MAS1: variants seen among roughly 807,000 people sequenced by gnomAD.
MAS1 encodes the protein MAS1 proto-oncogene, G protein-coupled receptor.
For missense variants in MAS1, 387 were observed against 409.7 expected (o/e 0.94, Z 0.48); for synonymous variants, 163 against 164.2 (o/e 0.99, Z 0.05).
At position 159,911,653 on chromosome 6, in the gene MAS1, C is replaced by T. The variant is rs1415500908; in HGVS notation, c.*3720C>T. 2 of 152,136 alleles carry T rather than the reference C, an allele frequency of 1.3e-5. No homozygotes were observed. The highest frequency in any genetic ancestry group is 2.4e-5 in the African/African-American group (1 of 41,418). The allele number at this position is 152,136 out of a possible 1,614,324, so 9.4% of individuals were successfully genotyped here. On this transcript the variant is annotated 3_prime_UTR_variant, in exon 3 of 3. Transcript: ENST00000674077. ...CTCAAGCATTAGAGACTCAGGAGAG[C>T]CTCTGGAAGCTGAGTTCCTGGATAA...
Position 159,908,970 on chromosome 6 carries a change from C to T in MAS1, c.*1037C>T, listed in dbSNP as rs1306452243. 6.6e-6 allele frequency: 1 copy of T among 150,834 alleles called. No homozygotes were observed. Among genetic ancestry groups the T allele is most frequent in the Non-Finnish European group, 1.5e-5 (1 of 67,868 alleles). 9.3% of individuals were successfully genotyped at this position (150,834 alleles called of 1,614,324 possible). A position where few individuals can be genotyped will look rare whatever the true frequency, so the allele number is the denominator to read the frequency against. On this transcript the variant is annotated 3_prime_UTR_variant, in exon 3 of 3. Transcript: ENST00000674077. ...TCTGCACCTGTCTGCCTCCTCTCCT[C>T]CTGAGGCTTTTTTTTTTTTTTTCAT...
Position 159,910,159 on chromosome 6 carries a change from G to T in MAS1, c.*2226G>T, listed in dbSNP as rs1289736525. The T allele has an allele frequency of 2.0e-5, 3 of 152,244 alleles. No individual in the cohort carries two copies. Among genetic ancestry groups the T allele is most frequent in the Non-Finnish European group, 4.4e-5 (3 of 68,038 alleles). 9.4% of individuals were successfully genotyped at this position (152,244 alleles called of 1,614,324 possible). ...CCACTTCCGAGAATTCCTTGGGGAT[G>T]GGGAGGAGATTGTTTGGATAATGCC... On this transcript the variant is annotated 3_prime_UTR_variant, in exon 3 of 3. Coordinates refer to ENST00000674077, the MANE Select transcript of MAS1 (RefSeq NM_002377.4).
At chr6:159,896,591 T>C (rs1017419922) in intron 1 of MAS1, among the ~76,000 whole-genome samples, 1 of 152,174 alleles carries the variant, frequency 6.6e-6, no homozygotes, top group African/African-American at 2.4e-5. Flanking sequence ...AATGAGCACA[T>C]ACTGCTTTAA....
chr6:159,891,096 G>A lies in MAS1; in HGVS notation c.-281G>A, dbSNP rs534250189. On this transcript the variant is annotated 5_prime_UTR_variant, in exon 1 of 3. Coordinates refer to ENST00000674077, the MANE Select transcript of MAS1 (RefSeq NM_002377.4). ...CCAGATGTGAAGGGGCAGCCAACCT[G>A]TTGGCCACGTCTGACCCTTCCTGAG... Among the ~76,000 whole-genome samples the A allele has an allele frequency of 1.3e-5, 2 of 152,348 alleles. No individual in the cohort carries two copies. The highest frequency in any genetic ancestry group is 4.1e-4 in the South Asian group (2 of 4,834).
intron 1 of MAS1, among the ~76,000 whole-genome samples, chr6:159,897,780 C>T (rs1782770263): frequency 1.3e-5 from 2 of 152,098 alleles, no homozygotes; most frequent in Non-Finnish European, 2.9e-5. Context: ...GATGGCAGAG[C>T]TCTTTGAACA....
At position 159,917,159 on chromosome 6, in the gene MAS1, C is replaced by A. The variant is rs1029906585; in HGVS notation, c.*9226C>A. ...AATCCTGACCTCGGTGGTGGCAAATCTTCCTTGTTTCCTGGTGGATTTAAC... is the reference window on the plus strand; with the variant it reads ...AATCCTGACCTCGGTGGTGGCAAATATTCCTTGTTTCCTGGTGGATTTAAC... On this transcript the variant is annotated 3_prime_UTR_variant, in exon 3 of 3. Coordinates refer to ENST00000674077, the MANE Select transcript of MAS1 (RefSeq NM_002377.4). Among the ~76,000 whole-genome samples the A allele has an allele frequency of 3.8e-4, 58 of 152,082 alleles. 1 individual carries two copies. Among genetic ancestry groups the A allele is most frequent in the African/African-American group, 9.7e-5 (4 of 41,392 alleles).
intron 2 of MAS1, among the ~76,000 whole-genome samples, chr6:159,903,372 A>G (rs1340019507): frequency 6.6e-6 from 1 of 152,122 alleles, no homozygotes; most frequent in Non-Finnish European, 1.5e-5. Context: ...GCACCTGGAC[A>G]GCTGAACTAA....
At chr6:159,894,160 C>T (rs1782729144) in intron 1 of MAS1, among the ~76,000 whole-genome samples, 2 of 152,102 alleles carry the variant, frequency 1.3e-5, no homozygotes, top group Non-Finnish European at 2.9e-5. Context: ...TGGGATTGAA[C>T]AAGACCACCC....
chr6:159,901,313 T>C (rs1038127456), intron 2 of MAS1, among the ~76,000 whole-genome samples: 2 of 152,198 alleles, frequency 1.3e-5, no homozygotes, highest in African/African-American at 2.4e-5. Flanking sequence ...GTCAATAAGA[T>C]AGAATTTTAA....
In MAS1 at chr6:159,917,057, C is replaced by T. The variant is rs1289575346; in HGVS notation, c.*9124C>T. Among the ~76,000 whole-genome samples the T allele has an allele frequency of 6.6e-6, 1 of 152,176 alleles. No homozygotes were observed. The highest frequency in any genetic ancestry group is 2.4e-5 in the African/African-American group (1 of 41,444). On this transcript the variant is annotated 3_prime_UTR_variant, in exon 3 of 3. Transcript: ENST00000674077. Reference sequence around the variant, plus strand: ...AGATTTGGTAGTGGCCGGACTTTGCCACCTCCAGCCTGGAGTGTTTTGGGA... The same window carrying T: ...AGATTTGGTAGTGGCCGGACTTTGCTACCTCCAGCCTGGAGTGTTTTGGGA...
rs1160387653 is a variant in MAS1 at position 159,907,687 on chromosome 6, G to A, written c.732G>A (p.Met244Ile). The change falls in exon 3 of 3, where the codon ATG becomes ATA. Residue 244 changes from methionine to isoleucine, a missense_variant. Met to Ile is a conservative substitution (Grantham distance 10). Transcript: ENST00000674077. The stretch of plus-strand genomic sequence containing the variant: ...TATTCCTCATCTTCGCTATGCCCAT[G>A]AGACTCCTTTACCTGCTGTACTATG... ...IIIFLIFAMP[M>I]RLLYLLYYEY... The A allele has an allele frequency of 6.2e-7, 1 of 1,613,752 alleles. No individual in the cohort carries two copies. Among genetic ancestry groups the A allele is most frequent in the Admixed American group, 1.7e-5 (1 of 59,934 alleles).
At chr6:159,898,739 C>T (rs1280712242) in intron 1 of MAS1, among the ~76,000 whole-genome samples, 1 of 146,202 alleles carries the variant, frequency 6.8e-6, no homozygotes, top group African/African-American at 2.5e-5. Flanking sequence ...TCTTCCTCCT[C>T]CTCCTCGTTC....
intron 2 of MAS1, among the ~76,000 whole-genome samples, chr6:159,903,828 C>A (rs1413972514): frequency 4.6e-5 from 7 of 152,146 alleles, no homozygotes. Flanking sequence ...CTTCTCAACC[C>A]CACAGCCCCC....
intron 1 of MAS1, among the ~76,000 whole-genome samples, chr6:159,897,241 G>A (rs1472647762): frequency 6.6e-6 from 1 of 152,074 alleles, no homozygotes; most frequent in Non-Finnish European, 1.5e-5. Flanking sequence ...GTGCTGATTG[G>A]TCAGGTTGGA....
In MAS1 at chr6:159,907,031, G is replaced by A. The variant is rs773157877; in HGVS notation, c.76G>A (p.Gly26Arg). The A allele has an allele frequency of 1.2e-5, 19 of 1,613,784 alleles. No individual in the cohort carries two copies. The East Asian group carries it at 1.3e-4, about 11-fold the overall frequency. Residue 26 changes from glycine (G) to arginine (R), a missense_variant, in exon 3 of 3, where the codon GGG (glycine) becomes AGG (arginine). Gly to Arg is a moderately radical substitution (Grantham distance 125, BLOSUM62 -2). Transcript: ENST00000674077. ...NISTGRNASV[G>R]NAHRQIPIVH... ...CTCAACTGGCAGGAACGCCTCAGTC[G>A]GGAATGCACATCGGCAAATCCCCAT...
intron 2 of MAS1, among the ~76,000 whole-genome samples, chr6:159,904,540 A>C (rs1211702309): frequency 6.6e-6 from 1 of 152,096 alleles, no homozygotes; most frequent in Admixed American, 6.5e-5. Context: ...CCTCTGCCAC[A>C]ACCTGATTTA....
Position 159,907,855 on chromosome 6 carries a change from C to T in MAS1, c.900C>T (p.Thr300=), listed in dbSNP as rs778220861. 62 of 1,611,360 alleles carry T rather than the reference C, an allele frequency of 3.8e-5. No homozygotes were observed. The East Asian group carries it at 1.1e-3, about 28-fold the overall frequency. Residue 300 remains threonine (T), a synonymous_variant, in exon 3 of 3, where the codon ACC becomes ACT. Transcript: ENST00000674077. The part of the protein sequence containing the change: ...RFKESLKVVL[T]RAFKDEMQPR... ...AGGAGTCCTTAAAAGTTGTTCTGAC[C>T]AGGGCTTTCAAAGATGAAATGCAAC...
At chr6:159,906,787 A>T (rs149190217) in intron 2 of MAS1, 133 bp from the exon 3 acceptor site, 4 of 664,876 alleles carry the variant, frequency 6.0e-6, no homozygotes, top group Non-Finnish European at 1.0e-5. Context: ...TGTGACAAAG[A>T]TAACTGTAGA....
chr6:159,907,677 C>T lies in MAS1; in HGVS notation c.722C>T (p.Ala241Val), dbSNP rs1782911437. The T allele has an allele frequency of 6.2e-7, 1 of 1,613,818 alleles. No homozygotes were observed. The highest frequency in any genetic ancestry group is 1.3e-5 in the African/African-American group (1 of 74,930). Reference sequence around the variant, plus strand: ...ACCATCATTATATTCCTCATCTTCGCTATGCCCATGAGACTCCTTTACCTG... The same window carrying T: ...ACCATCATTATATTCCTCATCTTCGTTATGCCCATGAGACTCCTTTACCTG... Reference protein sequence around the residue: ...MVTIIIFLIFAMPMRLLYLLY... With the variant: ...MVTIIIFLIFVMPMRLLYLLY... Residue 241 changes from alanine (A) to valine (V), a missense_variant, in exon 3 of 3, where the codon GCT (alanine) becomes GTT (valine). Physicochemically the swap from Ala to Val is moderately conservative, Grantham distance 64. Coordinates refer to ENST00000674077, the MANE Select transcript of MAS1 (RefSeq NM_002377.4).
Sources: allele counts gnomAD v4.1 joint callset (sites outside exome capture counted in the v4.1 genomes callset), GRCh38; gene constraint gnomAD v4.1.1; transcripts MANE v1.5; gene names NCBI Gene and HGNC (gene_info 2026-07-23, HGNC 2026-07-21).